The following AKAP13 variants were observed in gnomAD, a reference collection of about 807,000 sequenced individuals.
The protein encoded by AKAP13 is A-kinase anchor protein 13.
Under a neutral mutation model 264.5 loss-of-function variants are expected in AKAP13, and 80 were observed. The ratio of observed to expected loss-of-function variants is 0.30; its 90% CI spans 0.25 to 0.36. The LOEUF is 0.36. AKAP13 is among the 10% of genes least tolerant of loss of function. AKAP13 has a pLI of 1.00. For missense variants in AKAP13, 3,712 were observed against 3,435.2 expected, an observed-to-expected ratio of 1.08 and a Z score of -2.01; for synonymous variants, 1,380 against 1,250.2, an observed-to-expected ratio of 1.10 and a Z score of -2.19.
chr15:85,515,750 A>G (rs978786552), intron 2 of AKAP13, among the ~76,000 whole-genome samples: 17 of 137,876 alleles, frequency 1.2e-4, no homozygotes, highest in Non-Finnish European at 1.1e-4. Context: ...GAAGTTATGC[A>G]TTTTTGTTAG....
chr15:85,716,585 C>G (rs1056922175), intron 20 of AKAP13, among the ~76,000 whole-genome samples: 7 of 152,154 alleles, frequency 4.6e-5, no homozygotes, highest in African/African-American at 1.7e-4. Context: ...TCTCTTTAAC[C>G]TATCTTGGAG....
chr15:85,567,941 G>GGTATGTGTGTGT (rs1555445388), intron 5 of AKAP13, among the ~76,000 whole-genome samples: 11 of 141,828 alleles, frequency 7.8e-5, no homozygotes, highest in Non-Finnish European at 1.5e-4. Flanking sequence ...AGCCCAAAGA[G>GGTATGTGTGTGT]GTGTGTGTGT....
rs890269629 is a variant in AKAP13, at chr15:85,719,236, G to C, written c.6162G>C (p.Gln2054His). The change falls in exon 23 of 37, where the codon CAG becomes CAC. Residue 2054 changes from glutamine (Q) to histidine (H), a missense_variant. Around this residue, in one of 3 missense-constraint regions of AKAP13, gnomAD observed 342 missense variants for 484.3 expected, o/e 0.71. Transcript: ENST00000394518. ...ELISIHSQFFQRILERKKESL... is the reference protein window; with the variant it reads ...ELISIHSQFFHRILERKKESL... ...TCAGTATCCATAGCCAATTCTTCCA[G>C]AGGATTCTGGAGCGGAAGAAGGAGT... 2.5e-6 allele frequency: 4 copies of C among 1,614,070 alleles called. No individual in the cohort carries two copies. In the African/African-American group the frequency reaches 5.3e-5, roughly 22 times the overall value.
chr15:85,551,659 G>A (rs537652568), intron 5 of AKAP13, among the ~76,000 whole-genome samples: 2 of 152,176 alleles, frequency 1.3e-5, no homozygotes, highest in East Asian at 1.9e-4. Context: ...CTTGGTTGCC[G>A]TATAACATTT....
chr15:85,688,400 A>G (rs913753409), intron 16 of AKAP13, among the ~76,000 whole-genome samples: 3 of 152,162 alleles, frequency 2.0e-5, no homozygotes, highest in Non-Finnish European at 2.9e-5. Context: ...TTATTAATCT[A>G]CCATACAATA....
chr15:85,511,505 A>G (rs543708387), intron 2 of AKAP13, among the ~76,000 whole-genome samples: 62 of 152,310 alleles, frequency 4.1e-4, no homozygotes, highest in African/African-American at 1.4e-3. Context: ...AAGCCCCATC[A>G]TCTTATCACA....
rs2086437524 is a variant in AKAP13, at chr15:85,708,416, C to T, written c.5532+330C>T. Among the ~76,000 whole-genome samples the T allele has an allele frequency of 6.6e-6, 1 of 152,086 alleles. No homozygotes were observed. Among genetic ancestry groups the T allele is most frequent in the Admixed American group, 6.5e-5 (1 of 15,268 alleles). On this transcript the variant is annotated intron_variant, in intron 18 of 36. Coordinates refer to ENST00000394518, the MANE Select transcript of AKAP13 (RefSeq NM_007200.5). This position sits in a 1 kb window ranked among gnomAD's most constrained non-coding sequence, Gnocchi z 4.3. ...ACGTCTGCAGGCCTACCCTGCTGTT[C>T]ATACACCTGTCTTCCTCCTTCAGGA...
intron 8 of AKAP13, among the ~76,000 whole-genome samples, chr15:85,638,171 G>A (rs561821732): frequency 5.9e-4 from 89 of 151,980 alleles, no homozygotes; most frequent in African/African-American, 8.2e-4. Flanking sequence ...GGCGTGCCAC[G>A]CCCAGCCTAT....
At chr15:85,726,146 C>T (rs1201076421) in intron 26 of AKAP13, 1 of 375,978 alleles carries the variant, frequency 2.7e-6, no homozygotes, top group East Asian at 4.5e-5. Context: ...ATATATCTTT[C>T]TAGGACTGAG....
intron 19 of AKAP13, among the ~76,000 whole-genome samples, chr15:85,711,456 A>AT (rs1042200807): frequency 6.6e-6 from 1 of 152,080 alleles, no homozygotes; most frequent in African/African-American, 2.4e-5. Flanking sequence ...AAAATGTATT[A>AT]TTTTGTGTGA....
At chr15:85,430,135 C>T (rs2072962432) in intron 1 of AKAP13, among the ~76,000 whole-genome samples, 2 of 152,274 alleles carry the variant, frequency 1.3e-5, no homozygotes, top group South Asian at 2.1e-4. Context: ...TCGTCATATT[C>T]TGTAAAGTCT....
chr15:85,688,172 A>G (rs2085058554), intron 16 of AKAP13, among the ~76,000 whole-genome samples: 2 of 152,098 alleles, frequency 1.3e-5, no homozygotes, highest in African/African-American at 4.8e-5. Context: ...TCTAAATGGT[A>G]ACATAAAAAT....
chr15:85,627,498 A>G (rs1039083142), intron 8 of AKAP13: 1 of 151,002 alleles, frequency 6.6e-6, no homozygotes, highest in Non-Finnish European at 1.5e-5. Flanking sequence ...CTTCCTCCCT[A>G]CTCTCCCATT....
At position 85,412,312 on chromosome 15, in the gene AKAP13, C is replaced by T. The variant is rs1034444421; in HGVS notation, c.-12+31514C>T. Among the ~76,000 whole-genome samples, 8 of 152,146 alleles carry T rather than the reference C, an allele frequency of 5.3e-5. No individual in the cohort carries two copies. The South Asian group carries it at 6.2e-4, about 12-fold the overall frequency. ...CCCAAAAGACTATTAAAATACTACTCCTTTTTCAAATTGGGTATCTATTTG... is the reference window on the plus strand; with the variant it reads ...CCCAAAAGACTATTAAAATACTACTTCTTTTTCAAATTGGGTATCTATTTG... On this transcript the variant is annotated intron_variant, in intron 1 of 36. Coordinates refer to ENST00000394518, the MANE Select transcript of AKAP13 (RefSeq NM_007200.5).
intron 16 of AKAP13, among the ~76,000 whole-genome samples, chr15:85,687,307 G>A (rs1050923210): frequency 2.6e-5 from 4 of 152,158 alleles, no homozygotes; most frequent in Admixed American, 1.3e-4. Flanking sequence ...TTACTATACA[G>A]CGTAATTTTT....
rs751149430 is a variant in AKAP13, at chr15:85,580,469, G to A, written c.2401G>A (p.Ala801Thr). The A allele has an allele frequency of 2.6e-5, 42 of 1,614,058 alleles. No homozygotes were observed. Among genetic ancestry groups the A allele is most frequent in the East Asian group, 4.5e-5 (2 of 44,898 alleles). The change falls in exon 7 of 37, where the codon GCA becomes ACA. Residue 801 changes from alanine (A) to threonine (T), a missense_variant. By Grantham distance (58) the Ala-to-Thr change is moderately conservative. Coordinates refer to ENST00000394518, the MANE Select transcript of AKAP13 (RefSeq NM_007200.5). ...CAGTGAATCAGTAACCAAGGATGAC[G>A]CACTTTCTTTTGTCCCCTCCCAGAA... ...PGSESVTKDDALSFVPSQKEK... is the reference protein window; with the variant it reads ...PGSESVTKDDTLSFVPSQKEK...
At chr15:85,483,651 A>AC (rs71138399) in intron 1 of AKAP13, among the ~76,000 whole-genome samples, 28 of 144,038 alleles carry the variant, frequency 1.9e-4, no homozygotes, top group African/African-American at 5.8e-4. Context: ...AAAAAAAAAA[A>AC]CACCAAAAAA....
At chr15:85,614,883 CA>C (rs1426797221) in intron 8 of AKAP13, among the ~76,000 whole-genome samples, 5 of 152,194 alleles carry the variant, frequency 3.3e-5, no homozygotes, top group African/African-American at 1.2e-4. Context: ...ACCTGGCAAA[CA>C]GGAGGTATTC....
chr15:85,633,866 G>A (rs952700736), intron 8 of AKAP13, among the ~76,000 whole-genome samples: 2 of 151,972 alleles, frequency 1.3e-5, no homozygotes, highest in African/African-American at 4.8e-5. Flanking sequence ...AAAGGAAAAT[G>A]TGTTGTTTCA....
Sources: allele counts gnomAD v4.1 joint callset (sites outside exome capture counted in the v4.1 genomes callset), GRCh38; gene constraint gnomAD v4.1.1; regional missense constraint gnomAD v4.1.1; non-coding constraint Gnocchi (gnomAD v3.1); transcripts MANE v1.5; gene names NCBI Gene and HGNC (gene_info 2026-07-23, HGNC 2026-07-21).